IMMP2L: variants seen among roughly 807,000 people sequenced by gnomAD.
IMMP2L encodes mitochondrial inner membrane protease subunit 2.
In IMMP2L, 18 loss-of-function variants were observed where a neutral mutation model predicts 19.3. That is an observed-to-expected ratio of 0.93 (90% CI 0.64 to 1.38). The LOEUF (loss-of-function observed/expected upper bound fraction) is 1.38, where lower values mean the gene tolerates loss of function less well. Ranked by LOEUF, IMMP2L falls within the 40% of genes most tolerant of loss-of-function variation. The pLI, the probability that IMMP2L is intolerant of heterozygous loss-of-function variation, is 0.00. For missense variants in IMMP2L, 233 were observed against 218.2 expected, an observed-to-expected ratio of 1.07 and a Z score of -0.43; for synonymous variants, 76 against 73.0, an observed-to-expected ratio of 1.04 and a Z score of -0.21.
rs1277378008 is a variant in IMMP2L, at chr7:111,425,076, AG to A, written c.239+62161del. On this transcript the variant is annotated intron_variant, in intron 3 of 5. Transcript: ENST00000405709. ...TTTTCCAGCTGTCATTTCATTTGTT[AG>A]TTTCAACTGAAATGTAAATGTAATA... Among the ~76,000 whole-genome samples, 6 of 151,800 alleles carry A rather than the reference AG, an allele frequency of 4.0e-5. 1 individual carries two copies. The highest frequency in any genetic ancestry group is 1.5e-4 in the African/African-American group (6 of 41,212).
At chr7:111,513,860 G>T (rs1009529890) in intron 2 of IMMP2L, among the ~76,000 whole-genome samples, 1 of 151,970 alleles carries the variant, frequency 6.6e-6, no homozygotes, top group African/African-American at 2.4e-5. Context: ...CTTTTAAAAA[G>T]AAGGAAATCT....
intron 5 of IMMP2L, among the ~76,000 whole-genome samples, chr7:110,843,876 A>G (rs1805361376): frequency 6.6e-6 from 1 of 152,150 alleles, no homozygotes; most frequent in Non-Finnish European, 1.5e-5. Flanking sequence ...CATGGGAGGC[A>G]GAGAGGGTGG....
intron 5 of IMMP2L, among the ~76,000 whole-genome samples, chr7:110,837,497 A>AT (rs1248806453): frequency 6.6e-6 from 1 of 152,096 alleles, no homozygotes; most frequent in East Asian, 1.9e-4. Flanking sequence ...GCTGCAGATG[A>AT]TTTTAACACT....
intron 3 of IMMP2L, among the ~76,000 whole-genome samples, chr7:110,997,921 G>A (rs1823215261): frequency 6.6e-6 from 1 of 152,046 alleles, no homozygotes; most frequent in Non-Finnish European, 1.5e-5. Flanking sequence ...CGGATGGTGT[G>A]AATAAAACTA....
chr7:110,994,769 A>T (rs1444908405), intron 3 of IMMP2L, among the ~76,000 whole-genome samples: 3 of 152,158 alleles, frequency 2.0e-5, no homozygotes, highest in African/African-American at 7.2e-5. Flanking sequence ...AGAGAGGCAC[A>T]ATCTCTTCAG....
chr7:111,078,015 C>T (rs1795561734), intron 3 of IMMP2L, among the ~76,000 whole-genome samples: 1 of 152,282 alleles, frequency 6.6e-6, no homozygotes, highest in East Asian at 1.9e-4. Flanking sequence ...TTAATAATCC[C>T]TCTTTGTTAT....
intron 3 of IMMP2L, among the ~76,000 whole-genome samples, chr7:111,418,318 G>A (rs1023358898): frequency 4.0e-5 from 6 of 151,596 alleles, no homozygotes; most frequent in Non-Finnish European, 8.8e-5. Flanking sequence ...ATCTGACCCT[G>A]ATGCTAGAAA....
At chr7:111,545,572 G>C (rs1266248039) in intron 1 of IMMP2L, among the ~76,000 whole-genome samples, 1 of 152,072 alleles carries the variant, frequency 6.6e-6, no homozygotes, top group African/African-American at 2.4e-5. Flanking sequence ...TTTTAGTAGA[G>C]ACGGGGTTTC....
intron 3 of IMMP2L, among the ~76,000 whole-genome samples, chr7:110,991,680 T>C (rs901579708): frequency 2.0e-5 from 3 of 152,182 alleles, no homozygotes; most frequent in East Asian, 1.9e-4. Flanking sequence ...TTAGGAAATA[T>C]ACAGCTCTCA....
intron 3 of IMMP2L, among the ~76,000 whole-genome samples, chr7:111,331,512 G>C (rs184126454): frequency 1.3e-5 from 2 of 151,818 alleles, no homozygotes; most frequent in African/African-American, 4.8e-5. Context: ...GATGATTATA[G>C]TCAATAATAG....
chr7:111,413,138 G>A (rs1365426348), intron 3 of IMMP2L, among the ~76,000 whole-genome samples: 1 of 151,986 alleles, frequency 6.6e-6, no homozygotes, highest in Non-Finnish European at 1.5e-5. Context: ...TAAATTAAAT[G>A]AACCAATTGA....
chr7:111,070,912 C>T (rs896941303), intron 3 of IMMP2L, among the ~76,000 whole-genome samples: 18 of 152,038 alleles, frequency 1.2e-4, no homozygotes, highest in East Asian at 1.2e-3. Context: ...ACTTAAATTT[C>T]GGATCAGGAG....
intron 3 of IMMP2L, among the ~76,000 whole-genome samples, chr7:111,141,838 C>T (rs1428672392): frequency 6.6e-6 from 1 of 152,094 alleles, no homozygotes; most frequent in African/African-American, 2.4e-5. Flanking sequence ...AAAGCTAGGG[C>T]TACAGGTGTG....
intron 3 of IMMP2L, among the ~76,000 whole-genome samples, chr7:111,173,972 A>C (rs1329113746): frequency 1.3e-5 from 2 of 151,740 alleles, no homozygotes; most frequent in African/African-American, 4.8e-5. Context: ...TCTCTTTCAA[A>C]GGATTGTCAA....
chr7:110,932,801 C>A (rs908087478), intron 4 of IMMP2L, among the ~76,000 whole-genome samples: 10 of 152,114 alleles, frequency 6.6e-5, no homozygotes, highest in Non-Finnish European at 1.5e-4. Flanking sequence ...AATCTAACCT[C>A]AGAATTATAA....
At chr7:111,160,699 A>T (rs1294729646) in intron 3 of IMMP2L, among the ~76,000 whole-genome samples, 1 of 151,350 alleles carries the variant, frequency 6.6e-6, no homozygotes, top group Non-Finnish European at 1.5e-5. Flanking sequence ...AATAACAAAG[A>T]TATGAATAAA....
At chr7:111,071,450 C>T (rs567131605) in intron 3 of IMMP2L, among the ~76,000 whole-genome samples, 3 of 152,006 alleles carry the variant, frequency 2.0e-5, no homozygotes, top group South Asian at 2.1e-4. Flanking sequence ...TGTTCATAGC[C>T]GCACTATTTA....
intron 2 of IMMP2L, among the ~76,000 whole-genome samples, chr7:111,492,113 G>T (rs1325457523): frequency 6.6e-6 from 1 of 151,774 alleles, no homozygotes; most frequent in African/African-American, 2.4e-5. Context: ...CTTTCCAAGA[G>T]TCTATAAGCT....
chr7:111,220,522 T>C (rs1002572147), intron 3 of IMMP2L, among the ~76,000 whole-genome samples: 1 of 150,760 alleles, frequency 6.6e-6, no homozygotes, highest in Non-Finnish European at 1.5e-5. Context: ...TTAAATTAAA[T>C]ATTCATTTGA....
Sources: gnomAD v4.1 joint callset for allele counts (sites outside exome capture counted in the v4.1 genomes callset) on GRCh38, gnomAD v4.1.1 for gene constraint, MANE v1.5 for transcripts, NCBI Gene and HGNC (gene_info 2026-07-23, HGNC 2026-07-21) for gene names.